Variants in SNX10 observed in about 807,000 individuals in gnomAD.
SNX10 encodes sorting nexin 10.
In SNX10, 25 loss-of-function variants were observed where a neutral mutation model predicts 28.5. The observed-to-expected ratio is 0.88, with a 90% CI of 0.64 to 1.22. SNX10 has a LOEUF of 1.22. Ranked by LOEUF, SNX10 falls within the 50% of genes most tolerant of loss-of-function variation. The pLI, the probability that SNX10 is intolerant of heterozygous loss-of-function variation, is 0.00. For synonymous variants in SNX10, 62 were observed against 81.4 expected (o/e 0.76, Z 1.28); for missense variants, 223 against 242.6 (o/e 0.92, Z 0.54).
intron 1 of SNX10, among the ~76,000 whole-genome samples, chr7:26,335,356 C>T (rs1172496591): frequency 1.3e-5 from 2 of 152,184 alleles, no homozygotes; most frequent in Admixed American, 6.5e-5. Flanking sequence ...AGCCTCCATT[C>T]TTAAAGAACC....
chr7:26,328,383 A>G (rs1273435093), intron 1 of SNX10, among the ~76,000 whole-genome samples: 2 of 152,138 alleles, frequency 1.3e-5, no homozygotes, highest in Non-Finnish European at 1.5e-5. Context: ...TCATGTGTCT[A>G]CCAGCCTGGT....
chr7:26,353,089 C>A (rs1176816465), intron 2 of SNX10, among the ~76,000 whole-genome samples: 2 of 152,030 alleles, frequency 1.3e-5, no homozygotes, highest in Non-Finnish European at 2.9e-5. Context: ...ACATTGTGAG[C>A]TATTATAAGT....
chr7:26,357,105 C>T (rs1432018621), intron 2 of SNX10: 7 of 1,128,732 alleles, frequency 6.2e-6, no homozygotes, highest in South Asian at 4.4e-5. Flanking sequence ...AGGAGCTTAG[C>T]GTCTGCTAGA....
At position 26,310,468 on chromosome 7, in the gene SNX10, C is replaced by T. The variant is rs556097446; in HGVS notation, c.-24+18382C>T. 1.1e-4 allele frequency among the ~76,000 whole-genome samples: 17 copies of T among 152,144 alleles called. No individual in the cohort carries two copies. In the South Asian group the frequency reaches 2.1e-3, roughly 19 times the overall value. On this transcript the variant is annotated intron_variant, in intron 1 of 6. Coordinates refer to ENST00000338523, the MANE Select transcript of SNX10 (RefSeq NM_013322.3). ...ATAAATAATAAATTAATATAGACTG[C>T]GACAAAGTCCGAGGAGAAAATGAAA...
At chr7:26,306,506 G>A (rs1786599536) in intron 1 of SNX10, among the ~76,000 whole-genome samples, 1 of 151,278 alleles carries the variant, frequency 6.6e-6, no homozygotes, top group Admixed American at 6.6e-5. Context: ...CCTGAGCTCA[G>A]GTGATCTCTT....
intron 2 of SNX10, among the ~76,000 whole-genome samples, chr7:26,350,685 C>A: frequency 6.8e-6 from 1 of 148,062 alleles, no homozygotes. Flanking sequence ...CCCCTCCCAC[C>A]CTCCCTCCCT....
rs560438631 is a variant in SNX10 at position 26,331,428 on chromosome 7, A to G, written c.-23-14992A>G. On this transcript the variant is annotated intron_variant, in intron 1 of 6. Transcript: ENST00000338523. ...TGGTGAAACCCTGTCTCTACAAAAA[A>G]TATAAAAATTAGCTGGGCATGGTGG... Among the ~76,000 whole-genome samples the G allele has an allele frequency of 3.6e-4, 55 of 152,112 alleles. No homozygotes were observed. The South Asian group carries it at 0.011, about 31-fold the overall frequency.
chr7:26,330,986 C>CA (rs1392548142), intron 1 of SNX10, among the ~76,000 whole-genome samples: 1 of 151,874 alleles, frequency 6.6e-6, no homozygotes, highest in Non-Finnish European at 1.5e-5. Flanking sequence ...CTCATCTCTA[C>CA]AAAAAAACTT....
chr7:26,346,125 A>G (rs1457106025), intron 1 of SNX10, among the ~76,000 whole-genome samples: 2 of 152,124 alleles, frequency 1.3e-5, no homozygotes, highest in Admixed American at 6.5e-5. Flanking sequence ...CTTCCTCGCC[A>G]ATTCACTAAG....
At chr7:26,304,168 C>T (rs1584092014) in intron 1 of SNX10, among the ~76,000 whole-genome samples, 1 of 152,164 alleles carries the variant, frequency 6.6e-6, no homozygotes, top group African/African-American at 2.4e-5. Flanking sequence ...CACTCCTCCT[C>T]GGCTTGCCTA....
chr7:26,323,699 G>T (rs1787393632), intron 1 of SNX10, among the ~76,000 whole-genome samples: 1 of 152,210 alleles, frequency 6.6e-6, no homozygotes, highest in African/African-American at 2.4e-5. Flanking sequence ...ATCACTCTGA[G>T]CGCATGGAGA....
intron 1 of SNX10, among the ~76,000 whole-genome samples, chr7:26,304,583 C>T (rs1271926813): frequency 6.6e-6 from 1 of 152,044 alleles, no homozygotes; most frequent in African/African-American, 2.4e-5. Context: ...GCTTGACTGT[C>T]CTGGAACCTT....
chr7:26,335,426 T>G (rs1395637510), intron 1 of SNX10, among the ~76,000 whole-genome samples: 1 of 152,176 alleles, frequency 6.6e-6, no homozygotes, highest in Non-Finnish European at 1.5e-5. Context: ...GCCCAGCCCT[T>G]TCTTCTTTTT....
intron 1 of SNX10, among the ~76,000 whole-genome samples, chr7:26,325,303 CAA>C (rs1491324398): frequency 1.6e-4 from 1 of 6,150 alleles, no homozygotes; most frequent in Non-Finnish European, 4.8e-4. Flanking sequence ...CTGAAGTTTG[CAA>C]AATATATATA....
At chr7:26,322,555 C>T (rs1787350718) in intron 1 of SNX10, among the ~76,000 whole-genome samples, 1 of 152,196 alleles carries the variant, frequency 6.6e-6, no homozygotes, top group South Asian at 2.1e-4. Context: ...AAGTTTCAGA[C>T]TGCCAGAGAT....
chr7:26,366,736 G>A (rs116247319), intron 5 of SNX10, among the ~76,000 whole-genome samples: 195 of 152,302 alleles, frequency 1.3e-3, no homozygotes, highest in African/African-American at 4.4e-3. Flanking sequence ...AGGTCAGAAG[G>A]CAGCACGTAC....
chr7:26,351,747 C>T (rs1788615489), intron 2 of SNX10, among the ~76,000 whole-genome samples: 1 of 149,824 alleles, frequency 6.7e-6, no homozygotes, highest in Non-Finnish European at 1.5e-5. Flanking sequence ...AGCTCCACCT[C>T]CCGGGTTCAC....
rs116022081 is a variant in SNX10 at position 26,325,700 on chromosome 7, C to G, written c.-23-20720C>G. On this transcript the variant is annotated intron_variant, in intron 1 of 6. Transcript: ENST00000338523. ...CATACAAGTGACAGTTTTATTGGCT[C>G]ACATTTGAAGTATACGAAACAAAAT... Among the ~76,000 whole-genome samples, 308 of 150,462 alleles carry G rather than the reference C, an allele frequency of 2.0e-3. 2 individuals carry two copies. The highest frequency in any genetic ancestry group is 7.2e-3 in the African/African-American group (296 of 40,878).
chr7:26,347,710 C>T (rs35881454), intron 2 of SNX10, among the ~76,000 whole-genome samples: 5,861 of 152,096 alleles, frequency 0.039, 140 homozygotes, highest in East Asian at 0.11. Flanking sequence ...ATTAGCTGGG[C>T]GTAGTGGCAT....
Sources: gnomAD v4.1 joint callset for allele counts (sites outside exome capture counted in the v4.1 genomes callset) on GRCh38, gnomAD v4.1.1 for gene constraint, MANE v1.5 for transcripts, NCBI Gene and HGNC (gene_info 2026-07-23, HGNC 2026-07-21) for gene names.